The following BBOX1 variants were observed in gnomAD, a reference collection of about 807,000 sequenced individuals.
BBOX1 encodes gamma-butyrobetaine hydroxylase 1.
BBOX1 carries 35 observed loss-of-function variants against 41.6 expected under a neutral mutation model. That is an observed-to-expected ratio of 0.84 (90% CI 0.64 to 1.11). The LOEUF (loss-of-function observed/expected upper bound fraction) is 1.11, where lower values mean the gene tolerates loss of function less well. Ranked by LOEUF, BBOX1 falls within the 50% of genes most tolerant of loss-of-function variation. BBOX1 has a pLI of 0.00. For synonymous variants in BBOX1, 163 were observed against 154.7 expected (o/e 1.05, Z -0.40); for missense variants, 458 against 460.6 (o/e 0.99, Z 0.05).
chr11:27,105,369 T>G (rs1285407420), intron 5 of BBOX1, among the ~76,000 whole-genome samples: 1 of 152,124 alleles, frequency 6.6e-6, no homozygotes, highest in Non-Finnish European at 1.5e-5. Context: ...AATGGCTAAC[T>G]AGAATAACCA....
intron 4 of BBOX1, chr11:27,066,384 A>G (rs1857279842): frequency 6.6e-6 from 1 of 152,192 alleles, no homozygotes; most frequent in Admixed American, 6.5e-5. Context: ...CAGGTTTACC[A>G]AATGTACACA....
At chr11:27,092,279 A>G (rs1452872255) in intron 4 of BBOX1, among the ~76,000 whole-genome samples, 2 of 151,982 alleles carry the variant, frequency 1.3e-5, no homozygotes, top group Non-Finnish European at 2.9e-5. Context: ...GCAAGTTCTC[A>G]TTCTGTCACT....
chr11:27,077,883 T>G (rs2134008742), intron 4 of BBOX1, among the ~76,000 whole-genome samples: 1 of 152,210 alleles, frequency 6.6e-6, no homozygotes, highest in Non-Finnish European at 1.5e-5. Context: ...TGACATAACA[T>G]GGCCTCTCTG....
At chr11:27,072,814 A>G (rs553133933) in intron 4 of BBOX1, among the ~76,000 whole-genome samples, 61 of 152,348 alleles carry the variant, frequency 4.0e-4, no homozygotes, top group Non-Finnish European at 7.3e-4. Context: ...AAAATAAGAA[A>G]TGGGGAAAGG....
At chr11:27,053,921 T>C (rs1014086347) in intron 2 of BBOX1, among the ~76,000 whole-genome samples, 1 of 152,206 alleles carries the variant, frequency 6.6e-6, no homozygotes, top group Non-Finnish European at 1.5e-5. Flanking sequence ...TGGATAACTC[T>C]ATATGTGAAG....
At chr11:27,061,916 A>G (rs1216253880) in intron 4 of BBOX1, among the ~76,000 whole-genome samples, 2 of 152,226 alleles carry the variant, frequency 1.3e-5, no homozygotes, top group African/African-American at 4.8e-5. Flanking sequence ...TTTAAAAGAC[A>G]TAGATTCTCT....
intron 4 of BBOX1, among the ~76,000 whole-genome samples, chr11:27,068,784 A>G (rs777100998): frequency 6.6e-6 from 1 of 151,994 alleles, no homozygotes; most frequent in African/African-American, 2.4e-5. Flanking sequence ...ACATTCTTCT[A>G]TATGTCGCTA....
chr11:27,057,645 C>T (rs1857025891), intron 4 of BBOX1, among the ~76,000 whole-genome samples: 1 of 152,138 alleles, frequency 6.6e-6, no homozygotes, highest in Non-Finnish European at 1.5e-5. Context: ...TAGAGGCAGA[C>T]TGGCCCTTTA....
rs1590229935 is a variant in BBOX1 at position 27,121,831 on chromosome 11, A to G, written c.836+1986A>G. Among the ~76,000 whole-genome samples the G allele has an allele frequency of 4.6e-5, 7 of 152,314 alleles. No individual in the cohort carries two copies. The South Asian group carries it at 1.5e-3, about 32-fold the overall frequency. On this transcript the variant is annotated intron_variant, in intron 7 of 8. Transcript: ENST00000263182. ...TTTTGTTAAGACACAATACGATTAC[A>G]GATTCTGCAAGGCTAGTGAACAGAG...
intron 2 of BBOX1, among the ~76,000 whole-genome samples, chr11:27,044,252 G>A (rs1164991447): frequency 3.9e-5 from 6 of 152,124 alleles, no homozygotes; most frequent in African/African-American, 1.4e-4. Flanking sequence ...CTTTTGAGAA[G>A]TGTCTGTTCA....
intron 6 of BBOX1, among the ~76,000 whole-genome samples, chr11:27,116,321 G>C (rs116962703): frequency 9.9e-5 from 15 of 151,674 alleles, no homozygotes; most frequent in South Asian, 6.2e-4. Context: ...GGGCCTGTTG[G>C]GGGGGTTGGG....
chr11:27,102,485 C>T (rs567715553), intron 5 of BBOX1, among the ~76,000 whole-genome samples: 66 of 152,126 alleles, frequency 4.3e-4, no homozygotes, highest in African/African-American at 1.5e-3. Context: ...TGCCTTTTTC[C>T]CCAAGTGTAA....
chr11:27,051,092 C>T (rs958980381), intron 2 of BBOX1, among the ~76,000 whole-genome samples: 2 of 151,902 alleles, frequency 1.3e-5, no homozygotes, highest in Non-Finnish European at 1.5e-5. Context: ...TTGAAATGTC[C>T]ACCTAATTTT....
chr11:27,122,797 T>TTC (rs370865011), intron 7 of BBOX1, among the ~76,000 whole-genome samples: 1 of 151,650 alleles, frequency 6.6e-6, no homozygotes, highest in South Asian at 2.1e-4. Flanking sequence ...GGTTTTTTTT[T>TTC]TGTTGTTGTT....
intron 4 of BBOX1, among the ~76,000 whole-genome samples, chr11:27,060,463 T>A (rs1857104352): frequency 6.6e-6 from 1 of 152,180 alleles, no homozygotes; most frequent in Admixed American, 6.5e-5. Flanking sequence ...AGGTATTTAT[T>A]TATAGCAATG....
intron 5 of BBOX1, among the ~76,000 whole-genome samples, chr11:27,106,886 G>C (rs375869268): frequency 7.9e-5 from 12 of 152,042 alleles, no homozygotes; most frequent in African/African-American, 2.9e-4. Context: ...ATAACAAACT[G>C]TCTCTCAGAC....
intron 7 of BBOX1, among the ~76,000 whole-genome samples, chr11:27,121,339 A>G (rs1859456899): frequency 6.6e-6 from 1 of 152,200 alleles, no homozygotes; most frequent in South Asian, 2.1e-4. Flanking sequence ...AAATTATAAC[A>G]GTAACATTTA....
At chr11:27,074,452 C>T (rs540876323) in intron 4 of BBOX1, among the ~76,000 whole-genome samples, 54 of 152,122 alleles carry the variant, frequency 3.5e-4, no homozygotes, top group African/African-American at 1.2e-3. Context: ...ATGGTTTTAA[C>T]CAAAATGCTG....
chr11:27,119,689 G>A lies in BBOX1; in HGVS notation c.680G>A (p.Gly227Asp), dbSNP rs768577694. 38 of 1,566,968 alleles carry A rather than the reference G, an allele frequency of 2.4e-5. No individual in the cohort carries two copies. Among genetic ancestry groups the A allele is most frequent in the Non-Finnish European group, 2.9e-5 (34 of 1,159,840 alleles). ...TGCATAAAGCAAACAGTCACAGGGG[G>A]TGATTCAGAAATTGTAGATGGGTTT... ...LHCIKQTVTG[G>D]DSEIVDGFNV... Residue 227 changes from glycine to aspartate, a missense_variant, in exon 7 of 9, where the codon GGT (glycine) becomes GAT (aspartate). Coordinates refer to ENST00000263182, the MANE Select transcript of BBOX1 (RefSeq NM_003986.3).
Sources: allele counts gnomAD v4.1 joint callset (sites outside exome capture counted in the v4.1 genomes callset), GRCh38; gene constraint gnomAD v4.1.1; transcripts MANE v1.5; gene names NCBI Gene and HGNC (gene_info 2026-07-23, HGNC 2026-07-21).